Variants in PRKCH observed in about 807,000 individuals in gnomAD.
PRKCH encodes protein kinase C eta type.
Under a neutral mutation model 82.5 loss-of-function variants are expected in PRKCH, and 28 were observed. The observed-to-expected ratio is 0.34, with a 90% CI of 0.25 to 0.47. The LOEUF (loss-of-function observed/expected upper bound fraction) is 0.47. PRKCH is among the 20% of genes least tolerant of loss of function. The probability of loss-of-function intolerance (pLI) is 1.00; values close to 1 mark genes in which losing one functional copy is unlikely to be tolerated. For missense variants in PRKCH, 705 were observed against 881.8 expected, an observed-to-expected ratio of 0.80 and a Z score of 2.54; for synonymous variants, 322 against 327.4, an observed-to-expected ratio of 0.98 and a Z score of 0.18.
chr14:61,252,432 A>C (rs1026495805), intron 1 of PRKCH, among the ~76,000 whole-genome samples: 15 of 152,210 alleles, frequency 9.9e-5, no homozygotes, highest in African/African-American at 3.4e-4. Context: ...GAAGCTGCTA[A>C]AGTTAAGAAC....
intron 1 of PRKCH, among the ~76,000 whole-genome samples, chr14:61,384,053 G>T (rs955634993): frequency 6.6e-6 from 1 of 152,060 alleles, no homozygotes; most frequent in Non-Finnish European, 1.5e-5. Flanking sequence ...GTTTTTGGTG[G>T]GGTGTTCCAT....
chr14:61,348,104 T>G (rs2046020742), intron 1 of PRKCH: 1 of 152,230 alleles, frequency 6.6e-6, no homozygotes, highest in African/African-American at 2.4e-5. Flanking sequence ...CTTCCAGTTT[T>G]ATCAGCACCG....
intron 1 of PRKCH, among the ~76,000 whole-genome samples, chr14:61,341,878 A>G (rs1288266383): frequency 2.6e-5 from 4 of 152,204 alleles, no homozygotes; most frequent in African/African-American, 7.2e-5. Flanking sequence ...ATTGGTAGGA[A>G]CTTTCTTCAT....
At chr14:61,529,836 C>G (rs1594789164) in intron 11 of PRKCH, among the ~76,000 whole-genome samples, 1 of 150,714 alleles carries the variant, frequency 6.6e-6, no homozygotes, top group East Asian at 2.0e-4. Context: ...AGCGCACCAG[C>G]ATGGCACATG....
chr14:61,307,410 A>G (rs548031522), intron 1 of PRKCH, among the ~76,000 whole-genome samples: 1 of 152,354 alleles, frequency 6.6e-6, no homozygotes, highest in South Asian at 2.1e-4. Flanking sequence ...TTGTTTAACA[A>G]ACCATATCAA....
At chr14:61,391,772 A>T (rs113931548) in intron 2 of PRKCH, among the ~76,000 whole-genome samples, 215 of 152,210 alleles carry the variant, frequency 1.4e-3, no homozygotes, top group African/African-American at 4.9e-3. Context: ...TTTTTACTTG[A>T]GGTAAAATTT....
At chr14:61,538,177 ACT>A (rs1367755393) in intron 12 of PRKCH, among the ~76,000 whole-genome samples, 1 of 152,216 alleles carries the variant, frequency 6.6e-6, no homozygotes, top group African/African-American at 2.4e-5. Flanking sequence ...TTTTTCAAAC[ACT>A]GTTAGGGGAA....
At chr14:61,257,685 C>A (rs770112269) in intron 1 of PRKCH, among the ~76,000 whole-genome samples, 5 of 151,182 alleles carry the variant, frequency 3.3e-5, no homozygotes, top group East Asian at 1.9e-4. Flanking sequence ...TATTTCCCAA[C>A]CTGGGGAGCT....
chr14:61,322,074 CCCCCGGGGCCGGGGCAGCGGCG>C lies in PRKCH; in HGVS notation c.-25_-4del. ...TTCTCCCGCTGCGAAGCAGCGCGGC[CCCCCGGGGCCGGGGCAGCGGCG>C]CCGGCATGTCGTCTGGCACCATGAA... On this transcript the variant is annotated 5_prime_UTR_variant, in exon 1 of 14. Coordinates refer to ENST00000332981, the MANE Select transcript of PRKCH (RefSeq NM_006255.5). 3 of 1,512,754 alleles carry C rather than the reference CCCCCGGGGCCGGGGCAGCGGCG, an allele frequency of 2.0e-6. No homozygotes were observed. Among genetic ancestry groups the C allele is most frequent in the Non-Finnish European group, 2.7e-6 (3 of 1,124,950 alleles). 93.7% of individuals were successfully genotyped at this position (1,512,754 alleles called of 1,614,324 possible).
At chr14:61,314,832 C>T (rs1422717514) in intron 1 of PRKCH, among the ~76,000 whole-genome samples, 1 of 152,154 alleles carries the variant, frequency 6.6e-6, no homozygotes, top group Non-Finnish European at 1.5e-5. Context: ...CGTCAGGACC[C>T]TTTGGCTAGC....
chr14:61,188,163 A>T (rs2044376891), intron 1 of PRKCH, among the ~76,000 whole-genome samples: 1 of 152,248 alleles, frequency 6.6e-6, no homozygotes, highest in African/African-American at 2.4e-5. Context: ...AGCATAAAGT[A>T]TGCCCTCCAT....
At chr14:61,541,328 TG>T (rs1319889514) in intron 12 of PRKCH, among the ~76,000 whole-genome samples, 1 of 152,276 alleles carries the variant, frequency 6.6e-6, no homozygotes, top group Non-Finnish European at 1.5e-5. Context: ...TTAGGGTCTA[TG>T]GTCATGGCGA....
At chr14:61,416,968 G>T (rs1882592371) in intron 2 of PRKCH, among the ~76,000 whole-genome samples, 2 of 152,124 alleles carry the variant, frequency 1.3e-5, no homozygotes, top group South Asian at 4.1e-4. Flanking sequence ...TTGTCCTCAG[G>T]TGAAATTCTG....
intron 1 of PRKCH, among the ~76,000 whole-genome samples, chr14:61,357,204 G>A (rs928038986): frequency 7.9e-5 from 12 of 152,150 alleles, no homozygotes; most frequent in African/African-American, 2.4e-4. Context: ...GCTATACTGG[G>A]CAGGTTGGTG....
chr14:61,202,173 C>G (rs1217670440), intron 1 of PRKCH, among the ~76,000 whole-genome samples: 2 of 152,158 alleles, frequency 1.3e-5, no homozygotes, highest in Non-Finnish European at 2.9e-5. Flanking sequence ...ATTCCTAGCC[C>G]CAGTGGTCTT....
intron 1 of PRKCH, among the ~76,000 whole-genome samples, chr14:61,189,303 G>A (rs1294774212): frequency 6.6e-6 from 1 of 152,254 alleles, no homozygotes; most frequent in Non-Finnish European, 1.5e-5. Context: ...AGAAAACAGA[G>A]TAACAGAAAC....
chr14:61,462,259 G>A (rs1258226761), intron 9 of PRKCH, among the ~76,000 whole-genome samples: 5 of 152,290 alleles, frequency 3.3e-5, no homozygotes, highest in Non-Finnish European at 7.4e-5. Context: ...GTGTGGTGGT[G>A]CATGCCTGCA....
intron 12 of PRKCH, 65 bp downstream of exon 12, chr14:61,530,660 G>T: frequency 6.7e-7 from 1 of 1,484,724 alleles, no homozygotes; most frequent in Non-Finnish European, 9.1e-7. Context: ...TGTGCTGCTT[G>T]AGTCTTTTCA....
In PRKCH at chr14:61,321,966, G is replaced by A; in HGVS notation, c.-136G>A. On this transcript the variant is annotated 5_prime_UTR_variant, in exon 1 of 14. Transcript: ENST00000332981. The surrounding 1 kb of genome is among the most constrained non-coding windows in gnomAD (Gnocchi z 4.1). Reference sequence around the variant, plus strand: ...CGGAGGAGGCAGAATGGCCAGTCGAGGGGCGCTTAGGCGCTGCCTTTCCCC... The same window carrying A: ...CGGAGGAGGCAGAATGGCCAGTCGAAGGGCGCTTAGGCGCTGCCTTTCCCC... 1 of 936,804 alleles carries A rather than the reference G, an allele frequency of 1.1e-6. No homozygotes were observed. The highest frequency in any genetic ancestry group is 1.5e-6 in the Non-Finnish European group (1 of 645,602). The allele number at this position is 936,804 out of a possible 1,614,324, so 58.0% of individuals were successfully genotyped here.
Sources: gnomAD v4.1 joint callset for allele counts (sites outside exome capture counted in the v4.1 genomes callset) on GRCh38, gnomAD v4.1.1 for gene constraint, Gnocchi (gnomAD v3.1) non-coding constraint, MANE v1.5 for transcripts, NCBI Gene and HGNC (gene_info 2026-07-23, HGNC 2026-07-21) for gene names.